Variants in SOCS2 observed in about 807,000 individuals in gnomAD.
SOCS2 encodes the protein CIS-2.
In SOCS2, 10 loss-of-function variants were observed where a neutral mutation model predicts 18.6. That is an observed-to-expected ratio of 0.54 (90% CI 0.33 to 0.91). The LOEUF (loss-of-function observed/expected upper bound fraction) is 0.91. Ranked by LOEUF, SOCS2 falls within the 40% of genes least tolerant of loss-of-function variation. The pLI, the probability that SOCS2 is intolerant of heterozygous loss-of-function variation, is 0.02. For synonymous variants in SOCS2, 104 were observed against 104.0 expected, an observed-to-expected ratio of 1.00 and a Z score of 0.00; for missense variants, 231 against 247.2, an observed-to-expected ratio of 0.93 and a Z score of 0.44.
chr12:93,592,389 C>G, the SOCS2 span, among the ~76,000 whole-genome samples: 2 of 152,136 alleles, frequency 1.3e-5, no homozygotes, highest in Non-Finnish European at 2.9e-5. Flanking sequence ...CAGTCTCCTG[C>G]TAGTGGATAT....
the SOCS2 span, among the ~76,000 whole-genome samples, chr12:93,615,480 G>T: frequency 1.9e-3 from 284 of 152,308 alleles, no homozygotes; most frequent in African/African-American, 6.5e-3. Context: ...GGCTTGTACA[G>T]GCAGTTATGT....
At chr12:93,624,194 T>C in the SOCS2 span, among the ~76,000 whole-genome samples, 1 of 152,184 alleles carries the variant, frequency 6.6e-6, no homozygotes, top group Non-Finnish European at 1.5e-5. Context: ...CAAGGTGCCA[T>C]CTTGAAAGCA....
chr12:93,606,103 A>T, the SOCS2 span, among the ~76,000 whole-genome samples: 93 of 152,042 alleles, frequency 6.1e-4, no homozygotes, highest in Non-Finnish European at 8.5e-4. Flanking sequence ...TCGCCCTTTT[A>T]CTCATGACCC....
At chr12:93,581,863 C>G (rs1430008218) in intron 1 of SOCS2, among the ~76,000 whole-genome samples, 1 of 152,174 alleles carries the variant, frequency 6.6e-6, no homozygotes, top group Admixed American at 6.5e-5. Flanking sequence ...TCCCATTACC[C>G]TGCTTAGCCA....
At chr12:93,599,417 C>T in the SOCS2 span, among the ~76,000 whole-genome samples, 1 of 152,130 alleles carries the variant, frequency 6.6e-6, no homozygotes, top group Non-Finnish European at 1.5e-5. Flanking sequence ...CCACTTTGGC[C>T]TCCCAAAGCG....
the SOCS2 span, among the ~76,000 whole-genome samples, chr12:93,614,564 T>TTTCTTTCTTTCTTTCTTTCTTTCC: frequency 1.8e-5 from 1 of 55,552 alleles, no homozygotes; most frequent in South Asian, 6.0e-4. Flanking sequence ...TCTTTCTTTC[T>TTTCTTTCTTTCTTTCTTTCTTTCC]TTCTTTCTTT....
the SOCS2 span, among the ~76,000 whole-genome samples, chr12:93,605,577 C>G: frequency 6.6e-6 from 1 of 152,166 alleles, no homozygotes; most frequent in Non-Finnish European, 1.5e-5. Context: ...AAACTGGTCC[C>G]TTAGAAATGC....
the SOCS2 span, among the ~76,000 whole-genome samples, chr12:93,625,240 G>A: frequency 1.4e-5 from 2 of 147,762 alleles, no homozygotes; most frequent in Non-Finnish European, 2.9e-5. Context: ...TTGTTGATGT[G>A]TCATACACAC....
At chr12:93,572,605 T>C, upstream of SOCS2, 1 of 628,708 alleles carries the variant, frequency 1.6e-6, no homozygotes, top group Non-Finnish European at 2.9e-6. The surrounding 1 kb of genome is among the most constrained non-coding windows in gnomAD (Gnocchi z 5.0). Context: ...CCTGGGATTT[T>C]CCACGTCTAT....
the SOCS2 span, among the ~76,000 whole-genome samples, chr12:93,590,650 T>A: frequency 6.6e-6 from 1 of 150,474 alleles, no homozygotes; most frequent in South Asian, 2.1e-4. Flanking sequence ...AAAAATTAGC[T>A]GGGCGTGGTG....
chr12:93,578,682 GCACACA>G (rs10594657), downstream of SOCS2, among the ~76,000 whole-genome samples: 6 of 146,650 alleles, frequency 4.1e-5, no homozygotes, highest in East Asian at 2.0e-4. Flanking sequence ...TTGCATGCTC[GCACACA>G]CACACACACA....
the SOCS2 span, among the ~76,000 whole-genome samples, chr12:93,621,748 T>TGA: frequency 8.5e-5 from 13 of 152,144 alleles, no homozygotes; most frequent in Non-Finnish European, 4.4e-5. Context: ...CCTTCCAAAG[T>TGA]GAGTGCTAGG....
downstream of SOCS2, among the ~76,000 whole-genome samples, chr12:93,579,330 TG>T (rs1450079121): frequency 6.6e-6 from 1 of 152,208 alleles, no homozygotes; most frequent in Non-Finnish European, 1.5e-5. Context: ...ATACTCTCCT[TG>T]AGTTGGGTAA....
the SOCS2 span, among the ~76,000 whole-genome samples, chr12:93,612,867 G>T: frequency 1.3e-5 from 2 of 152,156 alleles, no homozygotes; most frequent in Non-Finnish European, 2.9e-5. Flanking sequence ...TCTGCCCAGG[G>T]ATCTATTTTA....
the SOCS2 span, among the ~76,000 whole-genome samples, chr12:93,612,987 G>A: frequency 5.3e-5 from 8 of 152,310 alleles, no homozygotes; most frequent in South Asian, 2.1e-4. Context: ...TAAGGAGTGA[G>A]GAGGAAGCCC....
the SOCS2 span, among the ~76,000 whole-genome samples, chr12:93,596,441 G>A: frequency 1.3e-5 from 2 of 152,184 alleles, no homozygotes; most frequent in Admixed American, 1.3e-4. Flanking sequence ...TGCAGCCTGA[G>A]TTACTAACTG....
the SOCS2 span, among the ~76,000 whole-genome samples, chr12:93,601,860 T>C: frequency 6.6e-6 from 1 of 152,222 alleles, no homozygotes. Context: ...TTCCTGTCTC[T>C]ATTGAATTTA....
At chr12:93,608,300 A>G in the SOCS2 span, among the ~76,000 whole-genome samples, 1 of 151,910 alleles carries the variant, frequency 6.6e-6, no homozygotes, top group South Asian at 2.1e-4. Context: ...CATACTTGGC[A>G]ATGTTAAGCT....
At chr12:93,600,369 C>T in the SOCS2 span, among the ~76,000 whole-genome samples, 5 of 151,758 alleles carry the variant, frequency 3.3e-5, 1 homozygote, top group Middle Eastern at 0.017. Context: ...CAGTGCCATT[C>T]TTTTGTAATT....
Sources: allele counts gnomAD v4.1 joint callset (sites outside exome capture counted in the v4.1 genomes callset), GRCh38; gene constraint gnomAD v4.1.1; non-coding constraint Gnocchi (gnomAD v3.1); transcripts MANE v1.5; gene names NCBI Gene and HGNC (gene_info 2026-07-23, HGNC 2026-07-21).